The following MPRIP variants were observed in gnomAD, a reference collection of about 807,000 sequenced individuals.
MPRIP encodes the protein myosin phosphatase Rho interacting protein, also known as myosin phosphatase Rho-interacting protein.
MPRIP carries 59 observed loss-of-function variants against 234.9 expected under a neutral mutation model. The ratio of observed to expected loss-of-function variants is 0.25; its 90% CI spans 0.20 to 0.31. The LOEUF (loss-of-function observed/expected upper bound fraction) is 0.31, where lower values mean the gene tolerates loss of function less well. Among genes scored for constraint, MPRIP ranks in the 10% least tolerant of loss-of-function variants. The pLI is 1.00. For synonymous variants in MPRIP, 1,144 were observed against 1,263.9 expected, an observed-to-expected ratio of 0.91 and a Z score of 2.01; for missense variants, 2,436 against 3,071.0, an observed-to-expected ratio of 0.79 and a Z score of 4.89.
intron 1 of MPRIP, among the ~76,000 whole-genome samples, chr17:17,057,368 C>T (rs1311864608): frequency 6.6e-6 from 1 of 152,184 alleles, no homozygotes; most frequent in Non-Finnish European, 1.5e-5. Flanking sequence ...CCCTTTTTGT[C>T]TGACCTGAAG....
At chr17:17,058,235 G>T (rs1305820545) in intron 1 of MPRIP, among the ~76,000 whole-genome samples, 6 of 152,144 alleles carry the variant, frequency 3.9e-5, no homozygotes, top group Admixed American at 3.9e-4. Flanking sequence ...TTATGTTTGT[G>T]GTCCTTCAAG....
At chr17:17,106,982 A>G (rs1333819715) in intron 3 of MPRIP, among the ~76,000 whole-genome samples, 1 of 152,194 alleles carries the variant, frequency 6.6e-6, no homozygotes, top group Non-Finnish European at 1.5e-5. Context: ...TCAGTTCTTA[A>G]TAATTATTTT....
chr17:17,165,914 C>T lies in MPRIP; in HGVS notation c.4323C>T (p.Gly1441=), dbSNP rs750155515. 10 of 1,303,718 alleles carry T rather than the reference C, an allele frequency of 7.7e-6. No homozygotes were observed. Among genetic ancestry groups the T allele is most frequent in the East Asian group, 5.5e-5 (1 of 18,032 alleles). 80.8% of individuals were successfully genotyped at this position (1,303,718 alleles called of 1,614,324 possible). ...TCCGCGCCAGCCTGCTCCAGGTTGG[C>T]GCACTGGCCTCCCAGCTGGAGCAGG... ...EQLRASLLQV[G]ALASQLEQER... is the part of the protein sequence containing the mutation. The change falls in exon 16 of 24, where the codon GGC becomes GGT. Residue 1441 remains glycine (G), a synonymous_variant. Transcript: ENST00000651222.
At chr17:17,159,359 G>T (rs759787811) in intron 14 of MPRIP, among the ~76,000 whole-genome samples, 8 of 152,242 alleles carry the variant, frequency 5.3e-5, no homozygotes, top group Non-Finnish European at 1.2e-4. Flanking sequence ...TTTGCATTAC[G>T]CAGCCCTGGC....
Position 17,137,954 on chromosome 17 carries a change from C to T in MPRIP, c.775C>T (p.Arg259Cys), listed in dbSNP as rs766809761. Residue 259 changes from arginine to cysteine, a missense_variant, in exon 7 of 24, where the codon CGC (arginine) becomes TGC (cysteine). By Grantham distance (180) the Arg-to-Cys change is radical (BLOSUM62 -3). Transcript: ENST00000651222. The part of the protein sequence containing the change: ...AMSSDRMDCG[R>C]KVRVESGYFS... Reference sequence around the variant, plus strand: ...GAGTAGCGACCGCATGGACTGTGGCCGCAAAGTCCGGGTGGAGAGCGGCTA... The same window carrying T: ...GAGTAGCGACCGCATGGACTGTGGCTGCAAAGTCCGGGTGGAGAGCGGCTA... The T allele has an allele frequency of 5.0e-6, 8 of 1,612,212 alleles. No homozygotes were observed. The highest frequency in any genetic ancestry group is 4.4e-5 in the South Asian group (4 of 90,944).
intron 3 of MPRIP, among the ~76,000 whole-genome samples, chr17:17,125,685 G>T (rs1396622539): frequency 6.6e-6 from 1 of 152,270 alleles, no homozygotes; most frequent in Non-Finnish European, 1.5e-5. Context: ...TTGAGACCAA[G>T]CCCCCATTGA....
At chr17:17,134,908 A>G (rs1454142175) in intron 5 of MPRIP, among the ~76,000 whole-genome samples, 4 of 152,264 alleles carry the variant, frequency 2.6e-5, no homozygotes, top group Non-Finnish European at 4.4e-5. Context: ...GTGCGCACAT[A>G]CATGCATATA....
intron 16 of MPRIP, chr17:17,168,323 G>A (rs941526591): frequency 1.9e-5 from 5 of 262,090 alleles, no homozygotes; most frequent in Non-Finnish European, 1.5e-5. Context: ...GCTGCCTGAG[G>A]ACAGCCTTGT....
intron 9 of MPRIP, among the ~76,000 whole-genome samples, chr17:17,145,271 A>C (rs755947596): frequency 6.6e-6 from 1 of 152,196 alleles, no homozygotes; most frequent in African/African-American, 2.4e-5. Context: ...ACTCCTTGGA[A>C]TAATACAAAC....
intron 3 of MPRIP, among the ~76,000 whole-genome samples, chr17:17,121,357 CAT>C (rs1396517414): frequency 6.6e-6 from 1 of 152,208 alleles, no homozygotes; most frequent in Non-Finnish European, 1.5e-5. Flanking sequence ...CCTAGCAAAA[CAT>C]AGAGGGAGCT....
In MPRIP at chr17:17,177,235, C is replaced by A. The variant is rs1472326041; in HGVS notation, c.6958-15C>A. 2 of 1,608,460 alleles carry A rather than the reference C, an allele frequency of 1.2e-6. No homozygotes were observed. Among genetic ancestry groups the A allele is most frequent in the Non-Finnish European group, 8.5e-7 (1 of 1,175,630 alleles). On this transcript the variant is annotated splice_polypyrimidine_tract_variant and intron_variant, in intron 21 of 23. Coordinates refer to ENST00000651222, the MANE Select transcript of MPRIP (RefSeq NM_001364716.4). ...CCTGGATGTAACTACCATTCTCTGTCATTTCACTCCCAAGGACAAGAAGTA... is the reference window on the plus strand; with the variant it reads ...CCTGGATGTAACTACCATTCTCTGTAATTTCACTCCCAAGGACAAGAAGTA...
Position 17,073,665 on chromosome 17 carries a change from G to A in MPRIP, c.124-2045G>A, listed in dbSNP as rs144599245. Among the ~76,000 whole-genome samples the A allele has an allele frequency of 1.5e-3, 222 of 152,212 alleles. 1 individual carries two copies. Among genetic ancestry groups the A allele is most frequent in the African/African-American group, 5.0e-3 (206 of 41,520 alleles). ...TACACACAGGGAGTTGTCCAGCTCC[G>A]GCTTTCCCATGCAAGGCCTCTGGGT... On this transcript the variant is annotated intron_variant, in intron 1 of 23. Coordinates refer to ENST00000651222, the MANE Select transcript of MPRIP (RefSeq NM_001364716.4).
chr17:17,176,517 G>A lies in MPRIP; in HGVS notation c.6957+5G>A. On this transcript the variant is annotated splice_donor_5th_base_variant and intron_variant, in intron 21 of 23. Transcript: ENST00000651222. ...GAGCTGCAGACGGCACTGCGGGTAA[G>A]GCCACCGCACCACAGGAGGGCGGGT... 6.2e-7 allele frequency: 1 copy of A among 1,611,476 alleles called. No individual in the cohort carries two copies. Among genetic ancestry groups the A allele is most frequent in the Non-Finnish European group, 8.5e-7 (1 of 1,177,788 alleles).
At chr17:17,108,088 G>A (rs1325092269) in intron 3 of MPRIP, among the ~76,000 whole-genome samples, 1 of 152,178 alleles carries the variant, frequency 6.6e-6, no homozygotes, top group Non-Finnish European at 1.5e-5. Flanking sequence ...GAGAAGGATG[G>A]CCCTCCCTCC....
rs773430744 is a variant in MPRIP at position 17,184,883 on chromosome 17, A to G, written c.7267A>G (p.Lys2423Glu). 2 of 1,611,438 alleles carry G rather than the reference A, an allele frequency of 1.2e-6. No individual in the cohort carries two copies. Among genetic ancestry groups the G allele is most frequent in the Non-Finnish European group, 8.5e-7 (1 of 1,178,578 alleles). The change falls in exon 24 of 24, where the codon AAG becomes GAG. Residue 2423 changes from lysine to glutamate, a missense_variant. This residue lies in a region of MPRIP where 1,998 missense variants were observed against 2,520.3 expected (regional missense o/e 0.79). Coordinates refer to ENST00000651222, the MANE Select transcript of MPRIP (RefSeq NM_001364716.4). ...GAAGCTCTTTGAATCCAGGGACTTGAAGAAAGACTAGGTGTGTCCCATCCA... is the reference window on the plus strand; with the variant it reads ...GAAGCTCTTTGAATCCAGGGACTTGGAGAAAGACTAGGTGTGTCCCATCCA... Reference protein sequence around the residue: ...RLKLFESRDLKKD With the variant: ...RLKLFESRDLEKD
intron 1 of MPRIP, among the ~76,000 whole-genome samples, chr17:17,047,569 C>G (rs11078366): frequency 0.15 from 22,497 of 152,104 alleles, 1,961 homozygotes; most frequent in African/African-American, 0.22. Context: ...GGCTATTAAA[C>G]TGGGTAAATT....
At chr17:17,091,378 A>T (rs2089713119) in intron 3 of MPRIP, among the ~76,000 whole-genome samples, 1 of 151,764 alleles carries the variant, frequency 6.6e-6, no homozygotes, top group Non-Finnish European at 1.5e-5. Flanking sequence ...CCCCACTATC[A>T]CTCCCAGTAG....
intron 1 of MPRIP, among the ~76,000 whole-genome samples, chr17:17,063,023 C>T (rs1335213659): frequency 2.0e-5 from 3 of 152,254 alleles, no homozygotes; most frequent in Non-Finnish European, 4.4e-5. Context: ...AAGTTGGATT[C>T]AGCCATGTGC....
intron 16 of MPRIP, chr17:17,168,653 T>C (rs1466280584): frequency 2.8e-6 from 1 of 352,994 alleles, no homozygotes; most frequent in African/African-American, 2.1e-5. Flanking sequence ...CCTTTGTAGC[T>C]GCAGGCCACA....
Sources: gnomAD v4.1 joint callset for allele counts (sites outside exome capture counted in the v4.1 genomes callset) on GRCh38, gnomAD v4.1.1 for gene constraint, gnomAD v4.1.1 regional missense constraint, MANE v1.5 for transcripts, NCBI Gene and HGNC (gene_info 2026-07-23, HGNC 2026-07-21) for gene names.